Variants in SEMA6D observed in about 807,000 individuals in gnomAD.
SEMA6D encodes semaphorin-6D.
A neutral mutation model predicts 106.6 loss-of-function variants in SEMA6D; 35 were observed. The observed-to-expected ratio is 0.33, with a 90% CI of 0.25 to 0.44. SEMA6D has a LOEUF of 0.44. Among genes scored for constraint, SEMA6D ranks in the 20% least tolerant of loss-of-function variants. SEMA6D has a pLI of 1.00. For missense variants in SEMA6D, 1,185 were observed against 1,345.9 expected (o/e 0.88, Z 1.87); for synonymous variants, 499 against 487.7 (o/e 1.02, Z -0.31).
chr15:47,589,459 A>G (rs578236751), intron 3 of SEMA6D, among the ~76,000 whole-genome samples: 21 of 152,322 alleles, frequency 1.4e-4, no homozygotes, highest in African/African-American at 5.1e-4. Context: ...CTGCTGACAA[A>G]GCAAGTGTTT....
intron 1 of SEMA6D, among the ~76,000 whole-genome samples, chr15:47,407,522 A>G (rs960372337): frequency 6.6e-6 from 1 of 152,144 alleles, no homozygotes; most frequent in African/African-American, 2.4e-5. Flanking sequence ...CGTTGTTACA[A>G]AAATATTTGG....
At chr15:47,257,437 T>C (rs2033867418) in intron 1 of SEMA6D, among the ~76,000 whole-genome samples, 1 of 152,238 alleles carries the variant, frequency 6.6e-6, no homozygotes, top group African/African-American at 2.4e-5. Context: ...CCTTTTGTGT[T>C]ACCAGTTTCC....
At chr15:47,394,462 G>A (rs1439097106) in intron 1 of SEMA6D, among the ~76,000 whole-genome samples, 1 of 152,144 alleles carries the variant, frequency 6.6e-6, no homozygotes, top group Non-Finnish European at 1.5e-5. Context: ...AAAAGAGAGT[G>A]GCGAATTAGT....
intron 1 of SEMA6D, among the ~76,000 whole-genome samples, chr15:47,405,246 G>A (rs561132985): frequency 5.9e-5 from 9 of 152,232 alleles, no homozygotes; most frequent in African/African-American, 1.9e-4. Context: ...AGACTGTAAG[G>A]GATTGGAGGG....
intron 3 of SEMA6D, among the ~76,000 whole-genome samples, chr15:47,569,715 G>GA (rs1310046265): frequency 6.6e-6 from 1 of 152,144 alleles, no homozygotes; most frequent in East Asian, 1.9e-4. Flanking sequence ...TGCAGTGAGG[G>GA]AAATATACAT....
At chr15:47,241,852 G>A (rs1224734359) in intron 1 of SEMA6D, among the ~76,000 whole-genome samples, 1 of 152,056 alleles carries the variant, frequency 6.6e-6, no homozygotes, top group Non-Finnish European at 1.5e-5. Flanking sequence ...TGAATGTAGG[G>A]GCAGGTTGCA....
intron 3 of SEMA6D, among the ~76,000 whole-genome samples, chr15:47,573,593 G>A (rs1359143141): frequency 6.6e-6 from 1 of 152,160 alleles, no homozygotes; most frequent in Non-Finnish European, 1.5e-5. Flanking sequence ...GAGTCTCATG[G>A]AGACAACGGT....
chr15:47,760,536 A>G, intron 3 of SEMA6D, 121 bp downstream of exon 3: 1 of 715,556 alleles, frequency 1.4e-6, no homozygotes, highest in Non-Finnish European at 2.3e-6. Context: ...AAGTAGCCAG[A>G]AATATTCACT....
intron 2 of SEMA6D, among the ~76,000 whole-genome samples, chr15:47,438,886 C>T (rs2041803043): frequency 6.6e-6 from 1 of 152,006 alleles, no homozygotes; most frequent in South Asian, 2.1e-4. Context: ...ATCTGTCGCA[C>T]AACAGATGCA....
At chr15:47,357,937 T>C (rs2038654525) in intron 1 of SEMA6D, among the ~76,000 whole-genome samples, 1 of 152,216 alleles carries the variant, frequency 6.6e-6, no homozygotes, top group Non-Finnish European at 1.5e-5. Context: ...GGAATTCTTA[T>C]CAAAATTATT....
chr15:47,189,531 A>G (rs1047555322), intron 1 of SEMA6D, among the ~76,000 whole-genome samples: 1 of 152,310 alleles, frequency 6.6e-6, no homozygotes, highest in Non-Finnish European at 1.5e-5. Flanking sequence ...ACAAAACTAA[A>G]TTATCGCTAA....
intron 2 of SEMA6D, among the ~76,000 whole-genome samples, chr15:47,425,161 T>G (rs907914246): frequency 3.3e-5 from 5 of 152,122 alleles, no homozygotes; most frequent in African/African-American, 1.2e-4. Flanking sequence ...TGATGACTTT[T>G]AGTCTTTTCT....
chr15:47,714,058 T>C (rs929563116), upstream of SEMA6D, among the ~76,000 whole-genome samples: 2 of 152,220 alleles, frequency 1.3e-5, no homozygotes, highest in African/African-American at 4.8e-5. Context: ...TGAATATTAT[T>C]ATCATCATCC....
At chr15:47,631,444 C>A (rs1171021164) in intron 4 of SEMA6D, among the ~76,000 whole-genome samples, 3 of 151,444 alleles carry the variant, frequency 2.0e-5, no homozygotes, top group African/African-American at 7.3e-5. Context: ...ATAAATGTTA[C>A]CTTATACACA....
chr15:47,425,008 C>T (rs2041284655), intron 2 of SEMA6D, among the ~76,000 whole-genome samples: 1 of 152,116 alleles, frequency 6.6e-6, no homozygotes, highest in South Asian at 2.1e-4. Flanking sequence ...TTCCTCTGAG[C>T]TCTGGAGGTG....
At chr15:47,486,757 G>A (rs1197831654) in intron 3 of SEMA6D, among the ~76,000 whole-genome samples, 1 of 152,102 alleles carries the variant, frequency 6.6e-6, no homozygotes, top group Non-Finnish European at 1.5e-5. Flanking sequence ...TTTAAACTAA[G>A]GATTTAATTG....
chr15:47,762,468 T>C (rs770606563), intron 8 of SEMA6D, 149 bp downstream of exon 8: 13 of 907,762 alleles, frequency 1.4e-5, no homozygotes, highest in Non-Finnish European at 1.8e-5. Flanking sequence ...AACAGGAGCA[T>C]TGACAGGGAA....
intron 4 of SEMA6D, among the ~76,000 whole-genome samples, chr15:47,668,928 T>A (rs1275360132): frequency 6.6e-6 from 1 of 152,216 alleles, no homozygotes; most frequent in Non-Finnish European, 1.5e-5. Flanking sequence ...TTAAGGTACA[T>A]CTTTTTGTTG....
At chr15:47,256,293 C>T (rs192248994) in intron 1 of SEMA6D, among the ~76,000 whole-genome samples, 190 of 152,150 alleles carry the variant, frequency 1.2e-3, no homozygotes, top group African/African-American at 4.4e-3. Flanking sequence ...TGTAGATCAA[C>T]TTAGGGAGTA....
Sources: gnomAD v4.1 joint callset for allele counts (sites outside exome capture counted in the v4.1 genomes callset) on GRCh38, gnomAD v4.1.1 for gene constraint, MANE v1.5 for transcripts, NCBI Gene and HGNC (gene_info 2026-07-23, HGNC 2026-07-21) for gene names.